LGR6: variants seen among roughly 807,000 people sequenced by gnomAD.
LGR6 encodes the protein leucine-rich repeat-containing G protein-coupled receptor 6.
LGR6 carries 45 observed loss-of-function variants against 69.4 expected under a neutral mutation model. The ratio of observed to expected loss-of-function variants is 0.65; its 90% CI spans 0.51 to 0.83. The LOEUF (loss-of-function observed/expected upper bound fraction) is 0.83, where lower values mean the gene tolerates loss of function less well. LGR6 is among the 40% of genes least tolerant of loss of function. The pLI, the probability that LGR6 is intolerant of heterozygous loss-of-function variation, is 0.00. For missense variants in LGR6, 1,108 were observed against 1,246.7 expected (o/e 0.89, Z 1.68); for synonymous variants, 538 against 555.0 (o/e 0.97, Z 0.43).
rs141163594 is a variant in LGR6 at position 202,238,674 on chromosome 1, C to T, written c.428+2681C>T. Among the ~76,000 whole-genome samples, 601 of 151,998 alleles carry T rather than the reference C, an allele frequency of 4.0e-3. 9 individuals carry two copies. The highest frequency in any genetic ancestry group is 0.014 in the African/African-American group (569 of 41,506). On this transcript the variant is annotated intron_variant, in intron 4 of 17. Coordinates refer to ENST00000367278, the MANE Select transcript of LGR6 (RefSeq NM_001017403.2). ...TCCTGACCTCGTGATTCACCTGCGT[C>T]GGCCTCCCAAAGTGCTGGGATTACA... is the stretch of plus-strand genomic sequence containing the variant.
intron 4 of LGR6, among the ~76,000 whole-genome samples, chr1:202,238,233 C>G (rs1034810221): frequency 1.3e-5 from 2 of 151,406 alleles, no homozygotes; most frequent in African/African-American, 2.4e-5. Context: ...GTAGCTGGGA[C>G]TATAGGTGTG....
Position 202,197,317 on chromosome 1 carries a change from A to G in LGR6, c.212+3116A>G, listed in dbSNP as rs753671376. 1.8e-4 allele frequency: 88 copies of G among 496,464 alleles called. 1 individual carries two copies. Among genetic ancestry groups the G allele is most frequent in the South Asian group, 1.2e-3 (80 of 65,354 alleles). 30.8% of individuals were successfully genotyped at this position (496,464 alleles called of 1,614,324 possible). ...ACTGGTATTCTTTGCCTTGACACAC[A>G]TGTCCAAAAACTATTACCACTTTTG... On this transcript the variant is annotated intron_variant, in intron 1 of 17. Coordinates refer to ENST00000367278, the MANE Select transcript of LGR6 (RefSeq NM_001017403.2).
intron 1 of LGR6, among the ~76,000 whole-genome samples, chr1:202,196,645 G>A (rs1658651372): frequency 6.6e-6 from 1 of 152,212 alleles, no homozygotes; most frequent in African/African-American, 2.4e-5. Context: ...GATTAAATGA[G>A]ATAATATGTT....
At chr1:202,282,034 C>T (rs1666044222) in intron 6 of LGR6, among the ~76,000 whole-genome samples, 1 of 152,174 alleles carries the variant, frequency 6.6e-6, no homozygotes, top group South Asian at 2.1e-4. Flanking sequence ...GCACAAGACC[C>T]AGAAGTGTGG....
At chr1:202,215,803 G>A (rs1659738463) in intron 1 of LGR6, among the ~76,000 whole-genome samples, 4 of 152,226 alleles carry the variant, frequency 2.6e-5, no homozygotes, top group Non-Finnish European at 5.9e-5. Context: ...GGAGCTCCCA[G>A]CCTGTCTGGG....
chr1:202,213,194 G>A (rs995153586), intron 1 of LGR6, among the ~76,000 whole-genome samples: 1 of 152,126 alleles, frequency 6.6e-6, no homozygotes, highest in Non-Finnish European at 1.5e-5. Flanking sequence ...GTCCAGCCAG[G>A]GCATCATGCC....
chr1:202,241,449 C>G (rs901801313), intron 4 of LGR6, among the ~76,000 whole-genome samples: 35 of 152,162 alleles, frequency 2.3e-4, no homozygotes, highest in Non-Finnish European at 1.2e-4. Flanking sequence ...GCCCAGGGAC[C>G]CAGCTGAATG....
intron 4 of LGR6, among the ~76,000 whole-genome samples, chr1:202,250,101 T>C (rs1663102863): frequency 6.6e-6 from 1 of 152,240 alleles, no homozygotes; most frequent in African/African-American, 2.4e-5. Flanking sequence ...GCGTGCAGCC[T>C]GTGCTCCTGT....
intron 3 of LGR6, among the ~76,000 whole-genome samples, chr1:202,228,489 G>A (rs763097295): frequency 2.6e-5 from 4 of 152,206 alleles, no homozygotes; most frequent in Admixed American, 6.5e-5. Context: ...TCCCTCCTTC[G>A]GTCTTCATGT....
intron 1 of LGR6, among the ~76,000 whole-genome samples, chr1:202,221,024 T>C (rs1287533905): frequency 6.6e-6 from 1 of 152,152 alleles, no homozygotes; most frequent in Non-Finnish European, 1.5e-5. Flanking sequence ...ACTGGCCTTT[T>C]CCTGGCTGCA....
chr1:202,219,978 A>T (rs900324297), intron 1 of LGR6, among the ~76,000 whole-genome samples: 2 of 151,874 alleles, frequency 1.3e-5, no homozygotes, highest in African/African-American at 2.4e-5. Flanking sequence ...TCCCAGGTTC[A>T]AGCAATTCTC....
rs115894118 is a variant in LGR6 at position 202,237,107 on chromosome 1, G to C, written c.428+1114G>C. Among the ~76,000 whole-genome samples the C allele has an allele frequency of 3.4e-3, 517 of 152,258 alleles. 2 individuals are homozygous for C. Among genetic ancestry groups the C allele is most frequent in the African/African-American group, 0.012 (502 of 41,542 alleles). ...CTCTACCCTCCTGCCTCTGTGTCTG[G>C]TCCCTGGCACCCCTCAGCTGCTCGA... is the stretch of plus-strand genomic sequence containing the variant. On this transcript the variant is annotated intron_variant, in intron 4 of 17. Coordinates refer to ENST00000367278, the MANE Select transcript of LGR6 (RefSeq NM_001017403.2).
chr1:202,312,338 AAAG>A (rs1320874984), intron 16 of LGR6, among the ~76,000 whole-genome samples: 13 of 152,186 alleles, frequency 8.5e-5, no homozygotes, highest in African/African-American at 3.1e-4. Flanking sequence ...TTTTGATTTC[AAAG>A]AATTGCTGAA....
chr1:202,211,465 A>T (rs1248150796), intron 1 of LGR6, among the ~76,000 whole-genome samples: 2 of 152,052 alleles, frequency 1.3e-5, no homozygotes, highest in African/African-American at 2.4e-5. Flanking sequence ...AGGTTCAAGC[A>T]ATTCTCCTGA....
chr1:202,229,185 C>T (rs1660811046), intron 3 of LGR6, among the ~76,000 whole-genome samples: 1 of 152,112 alleles, frequency 6.6e-6, no homozygotes, highest in South Asian at 2.1e-4. Flanking sequence ...CTGTGTTGTT[C>T]GTCTCTGGCC....
Position 202,301,181 on chromosome 1 carries a change from C to G in LGR6, c.875C>G (p.Pro292Arg). 6.2e-7 allele frequency: 1 copy of G among 1,614,206 alleles called. No individual in the cohort carries two copies. The change falls in exon 9 of 18, where the codon CCA becomes CGA. Residue 292 changes from proline to arginine, a missense_variant. Transcript: ENST00000367278. Reference protein sequence around the residue: ...LLQTIHFYDNPIQFVGRSAFQ... With the variant: ...LLQTIHFYDNRIQFVGRSAFQ... Reference sequence around the variant, plus strand: ...TCTTCCAGACACTTTTATGATAACCCAATCCAGTTTGTGGGAAGATCGGCA... The same window carrying G: ...TCTTCCAGACACTTTTATGATAACCGAATCCAGTTTGTGGGAAGATCGGCA...
chr1:202,264,313 A>G (rs542964070), intron 4 of LGR6, among the ~76,000 whole-genome samples: 1 of 152,314 alleles, frequency 6.6e-6, no homozygotes, highest in South Asian at 2.1e-4. Flanking sequence ...GCCTATTACT[A>G]CAAAGTCTGC....
At position 202,288,112 on chromosome 1, in the gene LGR6, C is replaced by T. The variant is rs143930770; in HGVS notation, c.716+7260C>T. ...CTCAATCTAGTCCAGGCACGATGGCCTCCTTGAATATACTACTTTTGTTCC... is the reference window on the plus strand; with the variant it reads ...CTCAATCTAGTCCAGGCACGATGGCTTCCTTGAATATACTACTTTTGTTCC... On this transcript the variant is annotated intron_variant, in intron 6 of 17. Coordinates refer to ENST00000367278, the MANE Select transcript of LGR6 (RefSeq NM_001017403.2). Among the ~76,000 whole-genome samples, 207 of 152,296 alleles carry T rather than the reference C, an allele frequency of 1.4e-3. 1 individual carries two copies. Among genetic ancestry groups the T allele is most frequent in the Non-Finnish European group, 2.6e-3 (178 of 68,024 alleles).
At chr1:202,196,129 G>A (rs1571799051) in intron 1 of LGR6, among the ~76,000 whole-genome samples, 1 of 152,134 alleles carries the variant, frequency 6.6e-6, no homozygotes, top group Admixed American at 6.5e-5. Flanking sequence ...TAAAGAGTAT[G>A]ATGGGTCCTG....
Sources: gnomAD v4.1 joint callset for allele counts (sites outside exome capture counted in the v4.1 genomes callset) on GRCh38, gnomAD v4.1.1 for gene constraint, MANE v1.5 for transcripts, NCBI Gene and HGNC (gene_info 2026-07-23, HGNC 2026-07-21) for gene names.